Variants in UNC80 observed in about 807,000 individuals in gnomAD.
The protein encoded by UNC80 is protein unc-80 homolog.
A neutral mutation model predicts 384.6 loss-of-function variants in UNC80; 164 were observed. The observed-to-expected ratio is 0.43, with a 90% CI of 0.38 to 0.49. The LOEUF is 0.49. UNC80 is among the 20% of genes least tolerant of loss of function. The pLI is 0.00. For synonymous variants in UNC80, 1,486 were observed against 1,527.8 expected (o/e 0.97, Z 0.64); for missense variants, 3,330 against 4,143.0 (o/e 0.80, Z 5.39).
intron 44 of UNC80, among the ~76,000 whole-genome samples, chr2:209,942,620 C>T (rs1010494659): frequency 6.6e-6 from 1 of 152,110 alleles, no homozygotes; most frequent in Non-Finnish European, 1.5e-5. Flanking sequence ...GTTAAGTTTG[C>T]TCAACCTATG....
In UNC80 at chr2:209,969,828, G is replaced by C. The variant is rs375090737; in HGVS notation, c.8067G>C (p.Gln2689His). 3.9e-6 allele frequency: 6 copies of C among 1,551,626 alleles called. No homozygotes were observed. The highest frequency in any genetic ancestry group is 2.4e-5 in the East Asian group (1 of 40,940). ...NLIEGVCLTLQRQPIISFLPH... is the reference protein window; with the variant it reads ...NLIEGVCLTLHRQPIISFLPH... ...TTGAAGGGGTTTGTTTGACACTTCA[G>C]AGGCAGCCAATCATATCCTTCCTGC... Residue 2689 changes from glutamine (Q) to histidine (H), a missense_variant, in exon 53 of 65, where the codon CAG becomes CAC. Gln to His is a conservative substitution (Grantham distance 24). This residue lies in a region of UNC80 where 1,049 missense variants were observed against 1,488.6 expected (regional missense o/e 0.70). Transcript: ENST00000673920.
At chr2:209,934,879 C>CA (rs113955732) in intron 39 of UNC80, among the ~76,000 whole-genome samples, 10 of 151,912 alleles carry the variant, frequency 6.6e-5, no homozygotes, top group African/African-American at 2.4e-4. Context: ...GTAGATTATC[C>CA]AAAAAAAGTG....
At chr2:209,851,372 C>T (rs1375546276) in intron 22 of UNC80, among the ~76,000 whole-genome samples, 2 of 151,934 alleles carry the variant, frequency 1.3e-5, no homozygotes, top group African/African-American at 2.4e-5. Flanking sequence ...TCAGCTCCTC[C>T]CTGAGTAGTA....
chr2:209,858,518 G>C (rs905315995), intron 22 of UNC80, among the ~76,000 whole-genome samples: 61 of 152,076 alleles, frequency 4.0e-4, no homozygotes, highest in Admixed American at 2.0e-3. Context: ...GACCAGCCTG[G>C]CCAACATAGC....
chr2:209,818,254 G>A (rs2079884226), intron 11 of UNC80, among the ~76,000 whole-genome samples: 1 of 152,048 alleles, frequency 6.6e-6, no homozygotes, highest in Admixed American at 6.6e-5. Flanking sequence ...TAGATTCAGT[G>A]CTTCGATTCC....
intron 7 of UNC80, among the ~76,000 whole-genome samples, chr2:209,811,332 C>G (rs980688674): frequency 3.3e-5 from 5 of 152,106 alleles, no homozygotes; most frequent in Non-Finnish European, 7.3e-5. Context: ...GCCTGGTTCA[C>G]TACTGTAAGG....
At chr2:209,841,926 C>G (rs959632791) in intron 20 of UNC80, among the ~76,000 whole-genome samples, 3 of 152,158 alleles carry the variant, frequency 2.0e-5, no homozygotes, top group African/African-American at 4.8e-5. Context: ...ATAGTACACT[C>G]TATAAATTAC....
At chr2:209,800,735 C>T (rs2078491056) in intron 7 of UNC80, among the ~76,000 whole-genome samples, 1 of 152,024 alleles carries the variant, frequency 6.6e-6, no homozygotes, top group Admixed American at 6.5e-5. Context: ...TAGCTGTGTC[C>T]CAAAGATTCT....
Position 209,772,176 on chromosome 2 carries a change from A to C in UNC80, c.92+12A>C, listed in dbSNP as rs2076609735. 1 of 1,533,110 alleles carries C rather than the reference A, an allele frequency of 6.5e-7. No homozygotes were observed. Among genetic ancestry groups the C allele is most frequent in the South Asian group, 1.2e-5 (1 of 83,388 alleles). 95.0% of individuals were successfully genotyped at this position (1,533,110 alleles called of 1,614,324 possible). ...TGGCGGCAAACCAGGTGAGGGGCGCAGAGGGCGCACCGCGGGCCGCCCTGG... is the reference window on the plus strand; with the variant it reads ...TGGCGGCAAACCAGGTGAGGGGCGCCGAGGGCGCACCGCGGGCCGCCCTGG... On this transcript the variant is annotated intron_variant, in intron 1 of 64. Coordinates refer to ENST00000673920, the MANE Select transcript of UNC80 (RefSeq NM_001371986.1).
In UNC80 at chr2:209,772,032, CAG is replaced by C; in HGVS notation, c.-38_-37del. The C allele has an allele frequency of 1.4e-6, 2 of 1,456,462 alleles. No individual in the cohort carries two copies. The highest frequency in any genetic ancestry group is 2.0e-5 in the Admixed American group (1 of 50,768). The allele number at this position is 1,456,462 out of a possible 1,614,324, so 90.2% of individuals were successfully genotyped here. A position where few individuals can be genotyped will look rare whatever the true frequency, so the allele number is the denominator to read the frequency against. On this transcript the variant is annotated 5_prime_UTR_variant, in exon 1 of 65. It removes the in-frame stop codon of an upstream open reading frame in the 5' UTR. Coordinates refer to ENST00000673920, the MANE Select transcript of UNC80 (RefSeq NM_001371986.1). ...GCGGCGGCGGCGGCTAGCGAGGAGA[CAG>C]AGCTGGGTCCTGCAGTAGGACTCCC... is the stretch of plus-strand genomic sequence containing the variant.
chr2:209,839,268 C>T lies in UNC80; in HGVS notation c.3088C>T (p.Arg1030Cys), dbSNP rs1322289311. The T allele has an allele frequency of 1.3e-5, 20 of 1,551,408 alleles. No individual in the cohort carries two copies. Among genetic ancestry groups the T allele is most frequent in the South Asian group, 1.2e-5 (1 of 84,064 alleles). The change falls in exon 19 of 65, where the codon CGT (arginine) becomes TGT (cysteine). Residue 1030 changes from arginine (R) to cysteine (C), a missense_variant. Physicochemically the swap from Arg to Cys is radical, Grantham distance 180. Coordinates refer to ENST00000673920, the MANE Select transcript of UNC80 (RefSeq NM_001371986.1). This position sits in a 1 kb window ranked among gnomAD's most constrained non-coding sequence, Gnocchi z 4.1. Reference sequence around the variant, plus strand: ...CAACTTGGGGCGGAAAGATTTCTGGCGTAAGATGTTCAAGTCCCAGAGTGC... The same window carrying T: ...CAACTTGGGGCGGAAAGATTTCTGGTGTAAGATGTTCAAGTCCCAGAGTGC... ...GANLGRKDFW[R>C]KMFKSQSAAS...
At chr2:209,873,079 T>A in intron 23 of UNC80, 109 bp downstream of exon 23, 2 of 1,001,734 alleles carry the variant, frequency 2.0e-6, no homozygotes, top group Non-Finnish European at 3.0e-6. Context: ...GTTTGTTATG[T>A]ACCAGGTACT....
intron 23 of UNC80, among the ~76,000 whole-genome samples, chr2:209,877,395 C>G (rs1408612382): frequency 6.6e-6 from 1 of 152,068 alleles, no homozygotes. Flanking sequence ...GAAAAGTTAG[C>G]ATTTCTTACT....
intron 22 of UNC80, among the ~76,000 whole-genome samples, chr2:209,855,546 T>C (rs1403217583): frequency 2.6e-5 from 4 of 152,142 alleles, no homozygotes; most frequent in African/African-American, 9.7e-5. Context: ...AAATCACATA[T>C]CCATGACACA....
chr2:209,876,453 T>C (rs1273156779), intron 23 of UNC80, among the ~76,000 whole-genome samples: 1 of 152,200 alleles, frequency 6.6e-6, no homozygotes, highest in African/African-American at 2.4e-5. Flanking sequence ...GGGTGAGACA[T>C]AGAGATCTAA....
intron 22 of UNC80, among the ~76,000 whole-genome samples, chr2:209,861,782 A>C (rs1249017833): frequency 2.0e-5 from 3 of 152,118 alleles, no homozygotes; most frequent in Non-Finnish European, 4.4e-5. Context: ...GCGTCCAGGA[A>C]TGTATCTGTT....
At chr2:209,961,511 A>G (rs1414372208) in intron 51 of UNC80, 1 of 152,234 alleles carries the variant, frequency 6.6e-6, no homozygotes, top group Admixed American at 6.5e-5. Flanking sequence ...GAGAGTGTAT[A>G]CAAATTATAG....
At chr2:209,895,614 C>G (rs552557471) in intron 27 of UNC80, among the ~76,000 whole-genome samples, 1 of 152,092 alleles carries the variant, frequency 6.6e-6, no homozygotes, top group East Asian at 1.9e-4. Flanking sequence ...TTTATCCTGA[C>G]CAATTGAGTC....
At chr2:209,857,563 T>C (rs2083025924) in intron 22 of UNC80, among the ~76,000 whole-genome samples, 1 of 152,150 alleles carries the variant, frequency 6.6e-6, no homozygotes, top group Non-Finnish European at 1.5e-5. Flanking sequence ...TGTTCTCTAA[T>C]TTATTAATGC....
Sources: allele counts gnomAD v4.1 joint callset (sites outside exome capture counted in the v4.1 genomes callset), GRCh38; gene constraint gnomAD v4.1.1; regional missense constraint gnomAD v4.1.1; non-coding constraint Gnocchi (gnomAD v3.1); transcripts MANE v1.5; gene names NCBI Gene and HGNC (gene_info 2026-07-23, HGNC 2026-07-21).